Variants in TMEM132B observed in about 807,000 individuals in gnomAD.
The protein encoded by TMEM132B is transmembrane protein 132B.
TMEM132B carries 18 observed loss-of-function variants against 90.8 expected under a neutral mutation model. That is an observed-to-expected ratio of 0.20 (90% CI 0.14 to 0.29). The LOEUF (loss-of-function observed/expected upper bound fraction) is 0.29, where lower values mean the gene tolerates loss of function less well. Ranked by LOEUF, TMEM132B falls within the 10% of genes least tolerant of loss-of-function variation. The pLI, the probability that TMEM132B is intolerant of heterozygous loss-of-function variation, is 1.00. For missense variants in TMEM132B, 1,096 were observed against 1,326.8 expected, an observed-to-expected ratio of 0.83 and a Z score of 2.70; for synonymous variants, 504 against 523.3, an observed-to-expected ratio of 0.96 and a Z score of 0.50.
Position 125,407,527 on chromosome 12 carries a change from C to T in TMEM132B, c.960-8004C>T, listed in dbSNP as rs1420167806. Among the ~76,000 whole-genome samples the T allele has an allele frequency of 6.6e-6, 1 of 152,186 alleles. No homozygotes were observed. Among genetic ancestry groups the T allele is most frequent in the East Asian group, 1.9e-4 (1 of 5,192 alleles). ...GTGACCCCGTGCCCTGTCTGTCTGT[C>T]CCTGCTGGGTAGAGGCTGGCCTGGA... On this transcript the variant is annotated intron_variant, in intron 2 of 8. Coordinates refer to ENST00000682704, the MANE Select transcript of TMEM132B (RefSeq NM_001366854.1). This position sits in a 1 kb window ranked among gnomAD's most constrained non-coding sequence, Gnocchi z 6.7.
Position 125,519,458 on chromosome 12 carries a change from G to A in TMEM132B, c.1126G>A (p.Glu376Lys). Reference sequence around the variant, plus strand: ...TTCCAGGGTAAATGGATCCTTCTATGAGATCTTGCAAGTGGACTTTGGAAT... The same window carrying A: ...TTCCAGGGTAAATGGATCCTTCTATAAGATCTTGCAAGTGGACTTTGGAAT... ...TQSRVNGSFY[E>K]ILQVDFGIDN... The change falls in exon 4 of 9, where the codon GAG (glutamate) becomes AAG (lysine). Residue 376 changes from glutamate (E) to lysine (K), a missense_variant. Physicochemically the swap from Glu to Lys is moderately conservative, Grantham distance 56. Transcript: ENST00000682704. The A allele has an allele frequency of 1.2e-6, 2 of 1,612,624 alleles. No individual in the cohort carries two copies. The highest frequency in any genetic ancestry group is 1.7e-6 in the Non-Finnish European group (2 of 1,179,276).
chr12:125,630,362 A>G (rs1886335159), intron 5 of TMEM132B, among the ~76,000 whole-genome samples: 2 of 151,954 alleles, frequency 1.3e-5, no homozygotes, highest in African/African-American at 4.8e-5. Context: ...TGATTCAATC[A>G]TGGTGGGTTA....
chr12:125,398,125 C>T (rs1490517625), intron 2 of TMEM132B, among the ~76,000 whole-genome samples: 4 of 152,076 alleles, frequency 2.6e-5, no homozygotes, highest in South Asian at 4.2e-4. Context: ...GAAAAATCTA[C>T]CTAGAGTGTT....
chr12:125,286,246 A>G (rs1875352763), intron 1 of TMEM132B, among the ~76,000 whole-genome samples: 1 of 152,244 alleles, frequency 6.6e-6, no homozygotes, highest in Admixed American at 6.5e-5. Context: ...AATCCCAGGC[A>G]TTCTGCCTCC....
At chr12:125,194,502 A>G (rs1274524488) in intron 1 of TMEM132B, among the ~76,000 whole-genome samples, 1 of 151,200 alleles carries the variant, frequency 6.6e-6, no homozygotes, top group African/African-American at 2.4e-5. Context: ...TGTTTTTGGA[A>G]CTCTGGAAGT....
At chr12:125,439,137 GTTCAGGCTC>G (rs1880788960) in intron 3 of TMEM132B, among the ~76,000 whole-genome samples, 1 of 136,974 alleles carries the variant, frequency 7.3e-6, no homozygotes, top group South Asian at 2.3e-4. Context: ...TGTCTTGGCT[GTTCAGGCTC>G]TTTTTTTTTT....
intron 5 of TMEM132B, among the ~76,000 whole-genome samples, chr12:125,617,585 T>C (rs1291132742): frequency 1.3e-5 from 2 of 152,150 alleles, no homozygotes; most frequent in African/African-American, 2.4e-5. Flanking sequence ...CCTCAGGTGA[T>C]CCACCCCCCT....
chr12:125,549,728 G>C (rs1271971801), intron 4 of TMEM132B, among the ~76,000 whole-genome samples: 1 of 152,104 alleles, frequency 6.6e-6, no homozygotes, highest in Non-Finnish European at 1.5e-5. Flanking sequence ...GAAAATTTAC[G>C]TTCTGCAGAA....
chr12:125,595,574 C>CA (rs1486819391), intron 5 of TMEM132B, among the ~76,000 whole-genome samples: 1 of 151,972 alleles, frequency 6.6e-6, no homozygotes, highest in Admixed American at 6.5e-5. Flanking sequence ...TTTCTGCTAT[C>CA]AAAAAAAGGC....
rs1887087145 is a variant in TMEM132B, at chr12:125,657,212, G to A, written c.*2502G>A. 1 of 152,252 alleles carries A rather than the reference G, an allele frequency of 6.6e-6. No individual in the cohort carries two copies. Among genetic ancestry groups the A allele is most frequent in the South Asian group, 2.1e-4 (1 of 4,828 alleles). 9.4% of individuals were successfully genotyped at this position (152,252 alleles called of 1,614,324 possible). A position where few individuals can be genotyped will look rare whatever the true frequency, so the allele number is the denominator to read the frequency against. On this transcript the variant is annotated 3_prime_UTR_variant, in exon 9 of 9. Coordinates refer to ENST00000682704, the MANE Select transcript of TMEM132B (RefSeq NM_001366854.1). ...ACACAGCTCCTGTGTAGCCGCCTTT[G>A]CTCCTCTGTGTTAAAACCCAGTCAG... is the stretch of plus-strand genomic sequence containing the variant.
At chr12:125,431,739 G>A (rs1215721096) in intron 3 of TMEM132B, among the ~76,000 whole-genome samples, 1 of 152,202 alleles carries the variant, frequency 6.6e-6, no homozygotes, top group East Asian at 1.9e-4. Flanking sequence ...GTATGTGGAG[G>A]GGATCACAGT....
chr12:125,192,212 T>C (rs73410477), intron 1 of TMEM132B, among the ~76,000 whole-genome samples: 1 of 152,302 alleles, frequency 6.6e-6, no homozygotes, highest in African/African-American at 2.4e-5. Context: ...ATTTTACAGA[T>C]ACGCAAACTG....
intron 1 of TMEM132B, among the ~76,000 whole-genome samples, chr12:125,212,928 G>A (rs1330483973): frequency 6.6e-6 from 1 of 151,686 alleles, no homozygotes; most frequent in Admixed American, 6.6e-5. Flanking sequence ...TCTAAAAACC[G>A]AGGATAAGTT....
At chr12:125,510,945 T>G (rs1882961122) in intron 3 of TMEM132B, among the ~76,000 whole-genome samples, 1 of 152,238 alleles carries the variant, frequency 6.6e-6, no homozygotes, top group African/African-American at 2.4e-5. Context: ...CTTTTTAAAG[T>G]GAACAATTCA....
intron 3 of TMEM132B, among the ~76,000 whole-genome samples, chr12:125,482,710 A>G (rs1229021947): frequency 6.6e-6 from 1 of 152,226 alleles, no homozygotes; most frequent in African/African-American, 2.4e-5. Flanking sequence ...ATCTAGAACT[A>G]GAAATACCAT....
chr12:125,564,138 T>C (rs1416559362), intron 4 of TMEM132B, among the ~76,000 whole-genome samples: 1 of 152,352 alleles, frequency 6.6e-6, no homozygotes, highest in East Asian at 1.9e-4. Context: ...AAAATAGATT[T>C]GCAGCCAGCA....
At chr12:125,507,198 T>C (rs1882868650) in intron 3 of TMEM132B, among the ~76,000 whole-genome samples, 1 of 152,164 alleles carries the variant, frequency 6.6e-6, no homozygotes. Context: ...GGGTGTCATG[T>C]TGAAGTGTCT....
At chr12:125,276,961 T>A (rs1349358058) in intron 1 of TMEM132B, among the ~76,000 whole-genome samples, 1 of 152,214 alleles carries the variant, frequency 6.6e-6, no homozygotes, top group African/African-American at 2.4e-5. Context: ...TCACACTGTC[T>A]TACCACATGC....
At chr12:125,205,023 A>G (rs2136060379) in intron 1 of TMEM132B, among the ~76,000 whole-genome samples, 1 of 107,336 alleles carries the variant, frequency 9.3e-6, no homozygotes. Flanking sequence ...GAATCCTTTC[A>G]GCGAGGGCTC....
Sources: gnomAD v4.1 joint callset for allele counts (sites outside exome capture counted in the v4.1 genomes callset) on GRCh38, gnomAD v4.1.1 for gene constraint, Gnocchi (gnomAD v3.1) non-coding constraint, MANE v1.5 for transcripts, NCBI Gene and HGNC (gene_info 2026-07-23, HGNC 2026-07-21) for gene names.